The following KANK1 variants were observed in gnomAD, a reference collection of about 807,000 sequenced individuals.
The protein encoded by KANK1 is KN motif and ankyrin repeat domains 1, also known as KN motif and ankyrin repeat domain-containing protein 1.
In KANK1, 109 loss-of-function variants were observed where a neutral mutation model predicts 106.2. The observed-to-expected ratio is 1.03, with a 90% CI of 0.88 to 1.20. The LOEUF (loss-of-function observed/expected upper bound fraction) is 1.20, where lower values mean the gene tolerates loss of function less well. Among genes scored for constraint, KANK1 ranks in the 50% most tolerant of loss-of-function variants. KANK1 has a pLI of 0.00. For synonymous variants in KANK1, 873 were observed against 652.2 expected (o/e 1.34, Z -5.16); for missense variants, 2,399 against 1,710.7 (o/e 1.40, Z -7.10).
At chr9:536,657 C>A (rs1283092355) in intron 1 of KANK1, among the ~76,000 whole-genome samples, 1 of 152,126 alleles carries the variant, frequency 6.6e-6, no homozygotes, top group Admixed American at 6.5e-5. Flanking sequence ...TTTAAAAAGA[C>A]TCATTAGATT....
At chr9:486,145 A>C (rs1244886486) in intron 3 of KANK1, among the ~76,000 whole-genome samples, 1 of 152,238 alleles carries the variant, frequency 6.6e-6, no homozygotes, top group African/African-American at 2.4e-5. Flanking sequence ...AATATCAGAC[A>C]GGAAAGCAAA....
intron 1 of KANK1, among the ~76,000 whole-genome samples, chr9:676,454 C>CT (rs1201666427): frequency 6.6e-6 from 1 of 152,116 alleles, no homozygotes; most frequent in Non-Finnish European, 1.5e-5. Flanking sequence ...TGAAGTTAAT[C>CT]TTTTTAAAAA....
chr9:644,432 AG>A (rs1480748107), intron 1 of KANK1, among the ~76,000 whole-genome samples: 1 of 150,974 alleles, frequency 6.6e-6, no homozygotes, highest in Non-Finnish European at 1.5e-5. Context: ...TAATTGGCTC[AG>A]GGTTCCGCAG....
intron 2 of KANK1, among the ~76,000 whole-genome samples, chr9:703,462 A>G (rs987512212): frequency 6.6e-6 from 1 of 152,128 alleles, no homozygotes; most frequent in African/African-American, 2.4e-5. Flanking sequence ...ATAAATGTTT[A>G]TATAATGAAA....
chr9:663,962 G>T (rs74694408), intron 1 of KANK1, among the ~76,000 whole-genome samples: 2 of 152,038 alleles, frequency 1.3e-5, no homozygotes, highest in Non-Finnish European at 2.9e-5. Flanking sequence ...AAATAAGGTC[G>T]TATGGTTTGG....
At chr9:533,742 C>G (rs556778444) in intron 1 of KANK1, among the ~76,000 whole-genome samples, 1 of 152,150 alleles carries the variant, frequency 6.6e-6, no homozygotes, top group Admixed American at 6.5e-5. Flanking sequence ...GAGACAGATG[C>G]AAAGGTCATG....
intron 10 of KANK1, among the ~76,000 whole-genome samples, chr9:742,635 C>A (rs563737030): frequency 2.0e-5 from 3 of 152,156 alleles, no homozygotes; most frequent in African/African-American, 7.2e-5. Flanking sequence ...AGGCCCTACC[C>A]CAAAAATTCA....
chr9:640,699 A>T (rs1161110803), intron 1 of KANK1, among the ~76,000 whole-genome samples: 5 of 129,762 alleles, frequency 3.9e-5, no homozygotes, highest in Non-Finnish European at 8.3e-5. Flanking sequence ...GCCCGGCCTA[A>T]TTTTTTTTTT....
intron 2 of KANK1, chr9:686,682 G>T: frequency 1.2e-6 from 1 of 866,604 alleles, no homozygotes. Flanking sequence ...AGGGACAACT[G>T]TTTGGCAGTG....
rs535174894 is a variant in KANK1, at chr9:638,501, G to C, written c.-83-38389G>C. Among the ~76,000 whole-genome samples the C allele has an allele frequency of 4.6e-5, 7 of 152,256 alleles. No homozygotes were observed. The East Asian group carries it at 1.2e-3, about 25-fold the overall frequency. ...GGATAAACATATAAACAGAGTTTCAGATAAATCTCTTATTTCCTGGCCACT... is the reference window on the plus strand; with the variant it reads ...GGATAAACATATAAACAGAGTTTCACATAAATCTCTTATTTCCTGGCCACT... On this transcript the variant is annotated intron_variant, in intron 1 of 11. Transcript: ENST00000382297.
At chr9:503,124 C>T (rs936340797), upstream of KANK1, among the ~76,000 whole-genome samples, 1 of 151,438 alleles carries the variant, frequency 6.6e-6, no homozygotes, top group African/African-American at 2.4e-5. Context: ...TAGGCCTGAG[C>T]CACTGCGCCT....
chr9:520,606 C>G (rs915992980), intron 1 of KANK1, among the ~76,000 whole-genome samples: 1 of 151,738 alleles, frequency 6.6e-6, no homozygotes, highest in Non-Finnish European at 1.5e-5. Context: ...CTATATTTAA[C>G]TCAAAAAATT....
At chr9:524,982 C>CTTTTTTTTTTTTTTTTTTTTTT (rs35377139) in intron 1 of KANK1, among the ~76,000 whole-genome samples, 3 of 91,984 alleles carry the variant, frequency 3.3e-5, no homozygotes, top group African/African-American at 1.4e-4. Flanking sequence ...CTCTTGCTGC[C>CTTTTTTTTTTTTTTTTTTTTTT]TTTTTTTTTT....
At chr9:611,377 T>G (rs1049907927) in intron 1 of KANK1, among the ~76,000 whole-genome samples, 3 of 152,196 alleles carry the variant, frequency 2.0e-5, no homozygotes, top group Non-Finnish European at 4.4e-5. Context: ...ATCTCCAGGA[T>G]TCAGTGTAGG....
Position 733,525 on chromosome 9 carries a change from G to A in KANK1, c.3245+908G>A, listed in dbSNP as rs541813720. 6 of 152,348 alleles carry A rather than the reference G, an allele frequency of 3.9e-5. No individual in the cohort carries two copies. In the South Asian group the frequency reaches 1.2e-3, roughly 32 times the overall value. 9.4% of individuals were successfully genotyped at this position (152,348 alleles called of 1,614,324 possible). On this transcript the variant is annotated intron_variant, in intron 6 of 11. Transcript: ENST00000382297. ...TGTGTGGTTTACTGGTCAGCACGAT[G>A]GATATATGGTAATTTGTGGAAAGTC...
chr9:571,923 A>T (rs1563789160), intron 1 of KANK1, among the ~76,000 whole-genome samples: 1 of 152,192 alleles, frequency 6.6e-6, no homozygotes, highest in Non-Finnish European at 1.5e-5. Context: ...TCAAGTCCCA[A>T]GTTCACCAGG....
chr9:611,758 G>A (rs35625797), intron 1 of KANK1, among the ~76,000 whole-genome samples: 9,882 of 151,976 alleles, frequency 0.065, 855 homozygotes, highest in East Asian at 0.24. Context: ...TTTCTCTGTT[G>A]CCCAGGCTGG....
intron 1 of KANK1, among the ~76,000 whole-genome samples, chr9:552,480 T>A (rs1448186450): frequency 1.3e-5 from 2 of 152,230 alleles, no homozygotes; most frequent in Non-Finnish European, 2.9e-5. Flanking sequence ...AGAAGATTCT[T>A]AAGTGACTTT....
At chr9:520,887 C>T (rs1437572632) in intron 1 of KANK1, among the ~76,000 whole-genome samples, 1 of 151,706 alleles carries the variant, frequency 6.6e-6, no homozygotes, top group Non-Finnish European at 1.5e-5. Context: ...CTTGATTTTG[C>T]ATGCATTGTT....
Sources: allele counts gnomAD v4.1 joint callset (sites outside exome capture counted in the v4.1 genomes callset), GRCh38; gene constraint gnomAD v4.1.1; transcripts MANE v1.5; gene names NCBI Gene and HGNC (gene_info 2026-07-23, HGNC 2026-07-21).